UBE2W: variants seen among roughly 807,000 people sequenced by gnomAD.
The protein encoded by UBE2W is ubiquitin-conjugating enzyme E2 W.
Under a neutral mutation model 27.2 loss-of-function variants are expected in UBE2W, and 18 were observed. The observed-to-expected ratio is 0.66, with a 90% CI of 0.46 to 0.98. The LOEUF (loss-of-function observed/expected upper bound fraction) is 0.98. Among genes scored for constraint, UBE2W ranks in the 50% least tolerant of loss-of-function variants. The pLI is 0.00. For missense variants in UBE2W, 90 were observed against 180.2 expected (o/e 0.50, Z 2.87); for synonymous variants, 53 against 57.2 (o/e 0.93, Z 0.33).
chr8:73,841,512 C>T (rs773544504), intron 1 of UBE2W, among the ~76,000 whole-genome samples: 2 of 152,116 alleles, frequency 1.3e-5, no homozygotes, highest in Non-Finnish European at 2.9e-5. Flanking sequence ...TAAGAGCCCA[C>T]AGCCCACAAA....
intron 1 of UBE2W, chr8:73,831,348 A>G: frequency 5.4e-6 from 1 of 185,854 alleles, no homozygotes; most frequent in South Asian, 1.1e-4. Flanking sequence ...AAGGCAAAGG[A>G]GGTCTACATG....
At chr8:73,857,808 T>G (rs1007271375) in intron 1 of UBE2W, among the ~76,000 whole-genome samples, 2 of 151,502 alleles carry the variant, frequency 1.3e-5, no homozygotes, top group Non-Finnish European at 2.9e-5. Flanking sequence ...AGAGTGAGAC[T>G]CCCCGTCTTA....
At chr8:73,802,671 C>CCTGA (rs1233737729) in intron 5 of UBE2W, among the ~76,000 whole-genome samples, 6 of 151,398 alleles carry the variant, frequency 4.0e-5, no homozygotes, top group African/African-American at 1.5e-4. Context: ...AGGCGATCAC[C>CCTGA]CTGAGGTCAG....
At position 73,788,640 on chromosome 8, in the gene UBE2W, A is replaced by C; in HGVS notation, c.*5462T>G. 2.0e-6 allele frequency: 2 copies of C among 985,444 alleles called. No individual in the cohort carries two copies. The highest frequency in any genetic ancestry group is 2.4e-6 in the Non-Finnish European group (2 of 829,930). 61.0% of individuals were successfully genotyped at this position (985,444 alleles called of 1,614,324 possible). A position where few individuals can be genotyped will look rare whatever the true frequency, so the allele number is the denominator to read the frequency against. ...AGTTTCAGGCTTCAAAAGAGGCAGG[A>C]TTATTAAATCTTTCCATACACCAGA... On this transcript the variant is annotated 3_prime_UTR_variant, in exon 6 of 6. Coordinates refer to ENST00000602593, the MANE Select transcript of UBE2W (RefSeq NM_018299.6).
At position 73,793,959 on chromosome 8, in the gene UBE2W, C is replaced by T. The variant is rs1020393908; in HGVS notation, c.*143G>A. On this transcript the variant is annotated 3_prime_UTR_variant, in exon 6 of 6. Coordinates refer to ENST00000602593, the MANE Select transcript of UBE2W (RefSeq NM_018299.6). ...GATCAACATGCGCCCAGAATGCACA[C>T]GAGTAAAAATGCAGTAAAAGGAAGT... The T allele has an allele frequency of 4.7e-6, 7 of 1,476,810 alleles. No individual in the cohort carries two copies. The highest frequency in any genetic ancestry group is 2.8e-5 in the African/African-American group (2 of 70,474). The allele number at this position is 1,476,810 out of a possible 1,614,324, so 91.5% of individuals were successfully genotyped here.
chr8:73,856,098 A>T (rs1266441531), intron 1 of UBE2W, among the ~76,000 whole-genome samples: 1 of 152,178 alleles, frequency 6.6e-6, no homozygotes, highest in African/African-American at 2.4e-5. Flanking sequence ...ATAATGGTTT[A>T]AAATGTTCCA....
intron 4 of UBE2W, 140 bp from the exon 5 acceptor site, chr8:73,805,866 T>A: frequency 2.1e-6 from 1 of 469,822 alleles, no homozygotes; most frequent in East Asian, 3.2e-5. Context: ...GAATAAAAAC[T>A]ATAAATGTAT....
chr8:73,805,454 C>CAAAAAAAAAACAAAAACAAAAAAAAA (rs1808835390), intron 5 of UBE2W, among the ~76,000 whole-genome samples, 197 bp downstream of exon 5: 1 of 14,580 alleles, frequency 6.9e-5, no homozygotes, highest in Non-Finnish European at 1.3e-4. Flanking sequence ...AACTCCATCT[C>CAAAAAAAAAACAAAAACAAAAAAAAA]AAAAAAAAAA....
chr8:73,820,592 T>A (rs867401109), intron 3 of UBE2W, among the ~76,000 whole-genome samples: 2 of 151,318 alleles, frequency 1.3e-5, no homozygotes, highest in African/African-American at 4.9e-5. Context: ...CAAAAAAAAA[T>A]AAGCCAGGCA....
At chr8:73,836,090 C>T (rs1810299784) in intron 1 of UBE2W, among the ~76,000 whole-genome samples, 1 of 152,184 alleles carries the variant, frequency 6.6e-6, no homozygotes, top group Non-Finnish European at 1.5e-5. Flanking sequence ...GTTTGTTACG[C>T]ACTGATAGAT....
rs1192774798 is a variant in UBE2W, at chr8:73,791,938, G to GTA, written c.*2162_*2163dup. The GTA allele has an allele frequency of 2.0e-6, 2 of 984,912 alleles. No homozygotes were observed. The highest frequency in any genetic ancestry group is 2.4e-6 in the Non-Finnish European group (2 of 829,640). 61.0% of individuals were successfully genotyped at this position (984,912 alleles called of 1,614,324 possible). On this transcript the variant is annotated 3_prime_UTR_variant, in exon 6 of 6. Coordinates refer to ENST00000602593, the MANE Select transcript of UBE2W (RefSeq NM_018299.6). ...GCTATATATGACCTATTACTCTATA[G>GTA]TATAGCATTGTTAATCTTTGACTCA...
At chr8:73,800,662 G>T (rs1448001353) in intron 5 of UBE2W, among the ~76,000 whole-genome samples, 1 of 152,084 alleles carries the variant, frequency 6.6e-6, no homozygotes, top group African/African-American at 2.4e-5. Flanking sequence ...AGGTTAATTT[G>T]GTTTGAAAGC....
At chr8:73,795,722 C>A in intron 5 of UBE2W, 2 of 878,268 alleles carry the variant, frequency 2.3e-6, no homozygotes, top group African/African-American at 1.8e-5. Context: ...ATTCATTAGA[C>A]GCCTTAAAAT....
At chr8:73,863,543 C>A in intron 1 of UBE2W, among the ~76,000 whole-genome samples, 1 of 143,068 alleles carries the variant, frequency 7.0e-6, no homozygotes, top group African/African-American at 2.7e-5. Flanking sequence ...CTAACCTGCA[C>A]AATGTGCACA....
chr8:73,787,177 T>C lies in UBE2W; in HGVS notation c.*6925A>G. The C allele has an allele frequency of 1.0e-6, 1 of 985,462 alleles. No individual in the cohort carries two copies. The highest frequency in any genetic ancestry group is 1.2e-6 in the Non-Finnish European group (1 of 829,940). The allele number at this position is 985,462 out of a possible 1,614,324, so 61.0% of individuals were successfully genotyped here. ...TCTTACAGGCAACTAAAAAAATGGTTGAAAGGGGCTCCCAACAGGACAGAT... is the reference window on the plus strand; with the variant it reads ...TCTTACAGGCAACTAAAAAAATGGTCGAAAGGGGCTCCCAACAGGACAGAT... On this transcript the variant is annotated 3_prime_UTR_variant, in exon 6 of 6. Coordinates refer to ENST00000602593, the MANE Select transcript of UBE2W (RefSeq NM_018299.6).
chr8:73,817,049 G>A (rs961201804), intron 3 of UBE2W, among the ~76,000 whole-genome samples: 17 of 151,544 alleles, frequency 1.1e-4, no homozygotes, highest in African/African-American at 3.9e-4. Context: ...AAAGTGCCCA[G>A]GCATGGTGGC....
At chr8:73,780,422 G>A in exon 5 of UBE2W, 2 of 439,344 alleles carry the variant, frequency 4.6e-6, no homozygotes, top group Non-Finnish European at 9.1e-6. Context: ...TCCAAATAGG[G>A]TCACAATTTG....
In UBE2W at chr8:73,858,877, TGC is replaced by T. The variant is rs1353164265; in HGVS notation, c.15+19929_15+19930del. 3.6e-4 allele frequency among the ~76,000 whole-genome samples: 27 copies of T among 74,386 alleles called. 1 individual carries two copies. Among genetic ancestry groups the T allele is most frequent in the Non-Finnish European group, 5.8e-4 (22 of 37,696 alleles). 48.8% of individuals were successfully genotyped at this position (74,386 alleles called of 152,430 possible). ...CTCTATCATTAGGGGGGTTTTTGCGTGCGTGTGTGTGTGTGTGTGTGTGTGTG... is the reference window on the plus strand; with the variant it reads ...CTCTATCATTAGGGGGGTTTTTGCGTGTGTGTGTGTGTGTGTGTGTGTGTG... On this transcript the variant is annotated intron_variant, in intron 1 of 5. Coordinates refer to ENST00000602593, the MANE Select transcript of UBE2W (RefSeq NM_018299.6).
At chr8:73,810,177 T>C (rs551872196) in intron 4 of UBE2W, among the ~76,000 whole-genome samples, 138 of 152,318 alleles carry the variant, frequency 9.1e-4, no homozygotes, top group African/African-American at 3.1e-3. Flanking sequence ...TTGTATACTT[T>C]TACCTGTGCA....
Sources: allele counts gnomAD v4.1 joint callset (sites outside exome capture counted in the v4.1 genomes callset), GRCh38; gene constraint gnomAD v4.1.1; transcripts MANE v1.5; gene names NCBI Gene and HGNC (gene_info 2026-07-23, HGNC 2026-07-21).